Variants in WLS observed in about 807,000 individuals in gnomAD.
WLS encodes the protein Wnt ligand secretion mediator, also known as protein wntless homolog.
In WLS, 23 loss-of-function variants were observed where a neutral mutation model predicts 62.8. The ratio of observed to expected loss-of-function variants is 0.37; its 90% CI spans 0.26 to 0.52. The LOEUF (loss-of-function observed/expected upper bound fraction) is 0.52. Among genes scored for constraint, WLS ranks in the 20% least tolerant of loss-of-function variants. WLS has a pLI of 0.92. For missense variants in WLS, 615 were observed against 697.3 expected (o/e 0.88, Z 1.33); for synonymous variants, 246 against 244.1 (o/e 1.01, Z -0.07).
At chr1:68,124,384 G>GC (rs1253829745), downstream of WLS, among the ~76,000 whole-genome samples, 2 of 152,164 alleles carry the variant, frequency 1.3e-5, no homozygotes, top group Admixed American at 1.3e-4. Flanking sequence ...CTATGTGCCA[G>GC]CCAGGCCTGA....
Position 68,232,313 on chromosome 1 carries a change from C to G in WLS, c.-14G>C, listed in dbSNP as rs749517839. On this transcript the variant is annotated 5_prime_UTR_variant, in exon 1 of 12. Transcript: ENST00000262348. ...TGCCCCAGCCATTTTTGCGCCCCCC[C>G]TTTTTCTTTTCTCCTTGAAATAAAT... The G allele has an allele frequency of 1.2e-6, 2 of 1,613,240 alleles. No homozygotes were observed. The highest frequency in any genetic ancestry group is 1.7e-6 in the Non-Finnish European group (2 of 1,179,600).
intron 2 of WLS, among the ~76,000 whole-genome samples, chr1:68,170,165 T>TTTCTTTTC (rs1553131211): frequency 5.7e-5 from 8 of 141,040 alleles, no homozygotes; most frequent in Non-Finnish European, 7.8e-5. Context: ...TATTTCTTTT[T>TTTCTTTTC]TTTTTTTTTT....
In WLS at chr1:68,125,559, A is replaced by AT. The variant is rs1646417306; in HGVS notation, c.*666dup. On this transcript the variant is annotated 3_prime_UTR_variant, in exon 12 of 12. Coordinates refer to ENST00000262348, the MANE Select transcript of WLS (RefSeq NM_024911.7). ...ATCTTACTTGGGTAGTTTAGCAAAC[A>AT]TTTTTTAAAACCCACATCCAACAGA... 8 of 985,424 alleles carry AT rather than the reference A, an allele frequency of 8.1e-6. No individual in the cohort carries two copies. The highest frequency in any genetic ancestry group is 9.6e-6 in the Non-Finnish European group (8 of 829,908). The allele number at this position is 985,424 out of a possible 1,614,324, so 61.0% of individuals were successfully genotyped here. A position where few individuals can be genotyped will look rare whatever the true frequency, so the allele number is the denominator to read the frequency against.
At chr1:68,178,487 T>G (rs1022063106) in intron 2 of WLS, among the ~76,000 whole-genome samples, 6 of 152,034 alleles carry the variant, frequency 3.9e-5, no homozygotes, top group African/African-American at 1.4e-4. Flanking sequence ...GGTGGGCAGA[T>G]CACAAGGTCA....
At chr1:68,181,408 C>G (rs1485639069) in intron 2 of WLS, among the ~76,000 whole-genome samples, 9 of 152,176 alleles carry the variant, frequency 5.9e-5, no homozygotes. Context: ...ATTCTAAACT[C>G]AGAGCAGGAA....
At chr1:68,215,690 C>T (rs145785184) in intron 1 of WLS, among the ~76,000 whole-genome samples, 10 of 152,264 alleles carry the variant, frequency 6.6e-5, no homozygotes, top group Non-Finnish European at 1.2e-4. Flanking sequence ...AAATGTCCAA[C>T]AATAGATTGA....
intron 7 of WLS, 69 bp downstream of exon 7, chr1:68,148,494 C>T (rs1646781945): frequency 6.6e-7 from 1 of 1,508,114 alleles, no homozygotes; most frequent in South Asian, 1.2e-5. Flanking sequence ...TCAAACACTC[C>T]TCCTAAAATG....
chr1:68,140,671 A>G (rs1231569971), intron 10 of WLS, among the ~76,000 whole-genome samples: 2 of 152,158 alleles, frequency 1.3e-5, no homozygotes, highest in Non-Finnish European at 2.9e-5. Context: ...TACACACCCT[A>G]CTGAATGTGC....
intron 4 of WLS, 125 bp from the exon 5 acceptor site, chr1:68,153,778 T>TC (rs1432679522): frequency 7.8e-6 from 10 of 1,288,306 alleles, no homozygotes; most frequent in Non-Finnish European, 9.7e-6. Context: ...TCAAGAGCTT[T>TC]CACATTCATA....
At chr1:68,175,432 G>A (rs940433085) in intron 2 of WLS, among the ~76,000 whole-genome samples, 3 of 152,202 alleles carry the variant, frequency 2.0e-5, no homozygotes, top group Admixed American at 6.5e-5. Flanking sequence ...GGGTAGGAAA[G>A]TTAGGACACC....
intron 11 of WLS, among the ~76,000 whole-genome samples, chr1:68,102,921 G>C (rs191855627): frequency 6.6e-6 from 1 of 152,118 alleles, no homozygotes. Flanking sequence ...CGATTGTTTT[G>C]TGCCTAATGT....
At chr1:68,130,043 T>C (rs781244194) in intron 11 of WLS, among the ~76,000 whole-genome samples, 23 of 152,180 alleles carry the variant, frequency 1.5e-4, no homozygotes, top group Non-Finnish European at 2.6e-4. Context: ...CGGCAATGCA[T>C]CCATATGTGT....
chr1:68,215,134 T>G (rs1381669286), intron 1 of WLS, among the ~76,000 whole-genome samples: 1 of 152,108 alleles, frequency 6.6e-6, no homozygotes, highest in African/African-American at 2.4e-5. Context: ...AAAAAAATGC[T>G]CCACAAAGGA....
chr1:68,141,138 C>T (rs1223484938), intron 10 of WLS, among the ~76,000 whole-genome samples: 1 of 152,214 alleles, frequency 6.6e-6, no homozygotes, highest in African/African-American at 2.4e-5. Context: ...AATCTCTTTA[C>T]ACCCAGTAGT....
chr1:68,140,420 C>A (rs897890616), intron 10 of WLS, among the ~76,000 whole-genome samples: 2 of 152,206 alleles, frequency 1.3e-5, no homozygotes, highest in Non-Finnish European at 2.9e-5. Flanking sequence ...ACAAATACAA[C>A]ATACATGCAC....
intron 6 of WLS, among the ~76,000 whole-genome samples, chr1:68,149,665 G>A (rs1646799390): frequency 6.6e-6 from 1 of 152,140 alleles, no homozygotes. Context: ...TGGTGTCTGT[G>A]CAAACTGAGG....
chr1:68,188,324 G>A (rs905706045), intron 2 of WLS, among the ~76,000 whole-genome samples: 5 of 152,168 alleles, frequency 3.3e-5, no homozygotes, highest in East Asian at 1.9e-4. Flanking sequence ...ACCTCAATCA[G>A]TTGCTTTATG....
chr1:68,115,658 T>G (rs1251500044), intron 11 of WLS, among the ~76,000 whole-genome samples: 3 of 152,160 alleles, frequency 2.0e-5, no homozygotes, highest in Non-Finnish European at 4.4e-5. Context: ...GCTATTACTC[T>G]TGTTGTTGCT....
At chr1:68,219,166 C>A (rs1342307950) in intron 1 of WLS, among the ~76,000 whole-genome samples, 1 of 152,156 alleles carries the variant, frequency 6.6e-6, no homozygotes, top group Non-Finnish European at 1.5e-5. Flanking sequence ...CCCTTCTTCC[C>A]ACTAAACTTT....
Sources: allele counts gnomAD v4.1 joint callset (sites outside exome capture counted in the v4.1 genomes callset), GRCh38; gene constraint gnomAD v4.1.1; transcripts MANE v1.5; gene names NCBI Gene and HGNC (gene_info 2026-07-23, HGNC 2026-07-21).